Variants in RIF1 observed in about 807,000 individuals in gnomAD.
RIF1 encodes telomere-associated protein RIF1.
RIF1 carries 45 observed loss-of-function variants against 247.1 expected under a neutral mutation model. The ratio of observed to expected loss-of-function variants is 0.18; its 90% CI spans 0.14 to 0.23. The LOEUF (loss-of-function observed/expected upper bound fraction) is 0.23. Ranked by LOEUF, RIF1 falls within the 10% of genes least tolerant of loss-of-function variation. The probability of loss-of-function intolerance (pLI) is 1.00; values close to 1 mark genes in which losing one functional copy is unlikely to be tolerated. For synonymous variants in RIF1, 1,087 were observed against 978.8 expected, an observed-to-expected ratio of 1.11 and a Z score of -2.06; for missense variants, 2,967 against 2,862.5, an observed-to-expected ratio of 1.04 and a Z score of -0.83.
intron 34 of RIF1, among the ~76,000 whole-genome samples, chr2:151,473,263 G>A (rs1181194618): frequency 3.4e-5 from 5 of 147,352 alleles, no homozygotes; most frequent in African/African-American, 5.0e-5. Flanking sequence ...TGGTCCATAC[G>A]TCCTAGGAAC....
intron 13 of RIF1, among the ~76,000 whole-genome samples, chr2:151,437,724 T>G (rs1046144565): frequency 2.0e-5 from 3 of 152,102 alleles, no homozygotes; most frequent in Admixed American, 1.3e-4. Flanking sequence ...ATAACAAATA[T>G]TTATATAGTG....
chr2:151,527,022 A>G, the RIF1 span: 2 of 1,581,400 alleles, frequency 1.3e-6, no homozygotes, highest in Non-Finnish European at 1.7e-6. Context: ...TTATATTCAA[A>G]CTGTGATAGA....
chr2:151,515,056 TCA>T, the RIF1 span: 5 of 636,730 alleles, frequency 7.9e-6, no homozygotes, highest in East Asian at 1.4e-4. Flanking sequence ...CTGCTAATGG[TCA>T]CACATTTGAA....
the RIF1 span, among the ~76,000 whole-genome samples, chr2:151,528,108 G>C: frequency 6.6e-6 from 1 of 152,160 alleles, no homozygotes; most frequent in Non-Finnish European, 1.5e-5. Flanking sequence ...CCCAAGGTGA[G>C]ACTTAGCAAT....
At position 151,497,447 on chromosome 2, in the gene RIF1, A is replaced by T. The variant is rs1575008576; in HGVS notation, c.*514-1898A>T. ...ATAAAAAATTGAAATTAACTGTATT[A>T]TAGAAATGGGAATGGTGTTAGGCTA... On this transcript the variant is annotated intron_variant and NMD_transcript_variant, in intron 10 of 13. Transcript: ENST00000454583. 6 of 981,752 alleles carry T rather than the reference A, an allele frequency of 6.1e-6. No homozygotes were observed. In the Admixed American group the frequency reaches 3.1e-4, roughly 50 times the overall value. The allele number at this position is 981,752 out of a possible 1,614,324, so 60.8% of individuals were successfully genotyped here. A position where few individuals can be genotyped will look rare whatever the true frequency, so the allele number is the denominator to read the frequency against.
chr2:151,463,312 A>G lies in RIF1; in HGVS notation c.3792A>G (p.Lys1264=), dbSNP rs369592100. 1.7e-5 allele frequency: 28 copies of G among 1,613,176 alleles called. No individual in the cohort carries two copies. The highest frequency in any genetic ancestry group is 2.4e-5 in the Non-Finnish European group (28 of 1,179,830). The change falls in exon 30 of 36, where the codon AAA becomes AAG. Residue 1264 remains lysine, a synonymous_variant. Coordinates refer to ENST00000444746, the MANE Select transcript of RIF1 (RefSeq NM_018151.5). ...ETMIKTDFLP[K]AKQREGTFSK... is the part of the protein sequence containing the mutation. ...TGATTAAAACAGATTTTCTACCAAA[A>G]GCAAAGCAAAGAGAAGGGACTTTTT...
At chr2:151,528,314 A>T in the RIF1 span, among the ~76,000 whole-genome samples, 1 of 152,350 alleles carries the variant, frequency 6.6e-6, no homozygotes, top group East Asian at 1.9e-4. Flanking sequence ...CTCTCTTTTT[A>T]AAATTGAGGT....
intron 21 of RIF1, 126 bp from the exon 22 acceptor site, chr2:151,454,765 TGTCA>T (rs1412004898): frequency 1.7e-5 from 10 of 602,954 alleles, no homozygotes; most frequent in Middle Eastern, 4.4e-4. Flanking sequence ...TTGTTTGGGG[TGTCA>T]GTCAGCAAAC....
At chr2:151,525,116 C>T in the RIF1 span, 2 of 1,314,400 alleles carry the variant, frequency 1.5e-6, no homozygotes, top group Non-Finnish European at 2.2e-6. Flanking sequence ...AATCTGGGTT[C>T]CACTGCTTCA....
the RIF1 span, chr2:151,518,441 A>C: frequency 6.8e-7 from 1 of 1,463,924 alleles, no homozygotes; most frequent in South Asian, 1.2e-5. Flanking sequence ...AAGGCGGCAA[A>C]AAAGGCACAT....
At chr2:151,490,657 A>G in intron 9 of RIF1, 1 of 1,028,784 alleles carries the variant, frequency 9.7e-7, no homozygotes, top group South Asian at 1.6e-5. Context: ...AAACCCTCAC[A>G]GTTATTCTGA....
intron 8 of RIF1, 48 bp downstream of exon 8, chr2:151,423,090 CTTT>C: frequency 1.0e-6 from 1 of 965,794 alleles, no homozygotes; most frequent in Non-Finnish European, 1.6e-6. Flanking sequence ...ATGCTGGACT[CTTT>C]ATTTTCTTAC....
Position 151,457,935 on chromosome 2 carries a change from A to T in RIF1, c.2827A>T (p.Met943Leu). 2 of 1,613,816 alleles carry T rather than the reference A, an allele frequency of 1.2e-6. No individual in the cohort carries two copies. Among genetic ancestry groups the T allele is most frequent in the Non-Finnish European group, 1.7e-6 (2 of 1,179,826 alleles). Residue 943 changes from methionine (M) to leucine (L), a missense_variant, in exon 24 of 36, where the codon ATG becomes TTG. Around this residue, in one of 7 missense-constraint regions of RIF1, gnomAD observed 2,028 missense variants for 1,825.6 expected, o/e 1.11. Transcript: ENST00000444746. ...QFWNATFAKV[M>L]MLVYPEELKP... ...CTGGAATGCCACTTTTGCCAAAGTG[A>T]TGATGTTGGTTTATCCTGAAGAGTT...
chr2:151,410,534 T>C lies in RIF1; in HGVS notation c.104+7T>C, dbSNP rs753832484. On this transcript the variant is annotated splice_region_variant and intron_variant, in intron 2 of 35. Transcript: ENST00000444746. ...CTTACCTGACTCTGACCAGGTGAGG[T>C]CCGCCACGGGGCGTAGCGGAGAGTG... 3 of 1,608,814 alleles carry C rather than the reference T, an allele frequency of 1.9e-6. No homozygotes were observed. The East Asian group carries it at 6.7e-5, about 36-fold the overall frequency.
downstream of RIF1, chr2:151,486,202 C>T: frequency 2.9e-6 from 1 of 346,332 alleles, no homozygotes; most frequent in Non-Finnish European, 5.3e-6. Context: ...TATGAATAGA[C>T]ATTTCTCCAA....
intron 14 of RIF1, 83 bp downstream of exon 14, chr2:151,438,829 T>C: frequency 1.2e-6 from 1 of 807,422 alleles, no homozygotes; most frequent in Non-Finnish European, 2.1e-6. Flanking sequence ...GTGAATTGTT[T>C]GACTATATAA....
intron 10 of RIF1, chr2:151,497,608 C>A: frequency 1.9e-6 from 3 of 1,549,932 alleles, no homozygotes; most frequent in Non-Finnish European, 2.6e-6. Context: ...TAGTTTTTTT[C>A]TTTTCTTGCC....
At chr2:151,418,053 A>G (rs142475873) in intron 6 of RIF1, among the ~76,000 whole-genome samples, 2 of 152,314 alleles carry the variant, frequency 1.3e-5, no homozygotes, top group East Asian at 3.9e-4. Context: ...AGGTTTTAGG[A>G]CTGAAGGTTC....
intron 9 of RIF1, among the ~76,000 whole-genome samples, chr2:151,489,700 G>GT (rs781074471): frequency 6.6e-6 from 1 of 151,948 alleles, no homozygotes; most frequent in Non-Finnish European, 1.5e-5. Context: ...CCCAGCAAAT[G>GT]TTTAAGATAG....
Sources: allele counts gnomAD v4.1 joint callset (sites outside exome capture counted in the v4.1 genomes callset), GRCh38; gene constraint gnomAD v4.1.1; regional missense constraint gnomAD v4.1.1; transcripts MANE v1.5; gene names NCBI Gene and HGNC (gene_info 2026-07-23, HGNC 2026-07-21).